ZNF518A: variants seen among roughly 807,000 people sequenced by gnomAD.
The protein encoded by ZNF518A is zinc finger protein 518A.
A neutral mutation model predicts 102.7 loss-of-function variants in ZNF518A; 47 were observed. The ratio of observed to expected loss-of-function variants is 0.46; its 90% CI spans 0.36 to 0.58. The LOEUF (loss-of-function observed/expected upper bound fraction) is 0.58, where lower values mean the gene tolerates loss of function less well. ZNF518A is among the 20% of genes least tolerant of loss of function. The probability of loss-of-function intolerance (pLI) is 0.00; values close to 1 mark genes in which losing one functional copy is unlikely to be tolerated. For missense variants in ZNF518A, 1,793 were observed against 1,699.8 expected (o/e 1.05, Z -0.96); for synonymous variants, 652 against 594.6 (o/e 1.10, Z -1.40).
rs1314720479 is a variant in ZNF518A, at chr10:96,158,059, G to C, written c.1737G>C (p.Trp579Cys). 1.2e-6 allele frequency: 2 copies of C among 1,613,478 alleles called. No individual in the cohort carries two copies. Among genetic ancestry groups the C allele is most frequent in the Non-Finnish European group, 1.7e-6 (2 of 1,179,762 alleles). ...KFETRDNVDF[W>C]GNHLTQSHPE... is the part of the protein sequence containing the mutation. ...AAACAAGAGATAATGTTGACTTCTG[G>C]GGAAATCATCTCACTCAGAGTCACC... is the stretch of plus-strand genomic sequence containing the variant. Residue 579 changes from tryptophan to cysteine, a missense_variant, in exon 6 of 6, where the codon TGG (tryptophan) becomes TGC (cysteine). By Grantham distance (215) the Trp-to-Cys change is radical. Around this residue, in one of 3 missense-constraint regions of ZNF518A, gnomAD observed 1,741 missense variants for 1,622.6 expected, o/e 1.07. Transcript: ENST00000316045.
chr10:96,159,495 C>G lies in ZNF518A; in HGVS notation c.3173C>G (p.Ser1058Cys). Residue 1058 changes from serine to cysteine, a missense_variant, in exon 6 of 6, where the codon TCT becomes TGT. This residue lies in a region of ZNF518A where 1,741 missense variants were observed against 1,622.6 expected (regional missense o/e 1.07). Coordinates refer to ENST00000316045, the MANE Select transcript of ZNF518A (RefSeq NM_001330736.2). ...KGPYILKPTS[S>C]VKAVLIPNML... ...CCTTACATTTTGAAACCAACGAGTT[C>G]TGTGAAAGCTGTTCTTATTCCTAAC... 1 of 1,613,850 alleles carries G rather than the reference C, an allele frequency of 6.2e-7. No individual in the cohort carries two copies.
At chr10:96,169,230 C>T (rs1282618306) in intron 1 of ZNF518A, among the ~76,000 whole-genome samples, 5 of 152,208 alleles carry the variant, frequency 3.3e-5, no homozygotes, top group African/African-American at 1.2e-4. Context: ...GTCTTGAACT[C>T]TTGGCCTCAA....
intron 1 of ZNF518A, among the ~76,000 whole-genome samples, chr10:96,199,078 T>G (rs1591296095): frequency 6.6e-6 from 1 of 152,148 alleles, no homozygotes; most frequent in East Asian, 1.9e-4. Context: ...ACAGGTACAC[T>G]TCATCAAAGG....
chr10:96,151,763 A>G (rs782548736), intron 3 of ZNF518A, among the ~76,000 whole-genome samples: 3 of 152,068 alleles, frequency 2.0e-5, no homozygotes, highest in African/African-American at 7.2e-5. Flanking sequence ...ACCTTGCCAT[A>G]TGTATATGGA....
chr10:96,140,825 C>T (rs2081884329), intron 3 of ZNF518A, among the ~76,000 whole-genome samples: 1 of 151,768 alleles, frequency 6.6e-6, no homozygotes, highest in African/African-American at 2.4e-5. Flanking sequence ...CCTATAGTCC[C>T]AGCTACTTGG....
rs2082772554 is a variant in ZNF518A, at chr10:96,157,851, C to A, written c.1529C>A (p.Ala510Glu). Residue 510 changes from alanine to glutamate, a missense_variant, in exon 6 of 6, where the codon GCA (alanine) becomes GAA (glutamate). Ala to Glu is a moderately radical substitution (Grantham distance 107). Around this residue, in one of 3 missense-constraint regions of ZNF518A, gnomAD observed 1,741 missense variants for 1,622.6 expected, o/e 1.07. Transcript: ENST00000316045. The part of the protein sequence containing the change: ...TELNDTVYMK[A>E]ATPFSCSSSI... Reference sequence around the variant, plus strand: ...TTAAATGACACAGTTTATATGAAAGCAGCTACTCCATTTTCATGTTCATCT... The same window carrying A: ...TTAAATGACACAGTTTATATGAAAGAAGCTACTCCATTTTCATGTTCATCT... 6.2e-7 allele frequency: 1 copy of A among 1,613,742 alleles called. No homozygotes were observed. Among genetic ancestry groups the A allele is most frequent in the Non-Finnish European group, 8.5e-7 (1 of 1,179,792 alleles).
intron 3 of ZNF518A, among the ~76,000 whole-genome samples, chr10:96,138,136 A>C (rs2081709981): frequency 6.6e-6 from 1 of 152,154 alleles, no homozygotes. Flanking sequence ...TCTTACTTGG[A>C]TAATTGTACT....
chr10:96,180,613 C>G (rs983183682), intron 1 of ZNF518A, among the ~76,000 whole-genome samples: 1 of 151,812 alleles, frequency 6.6e-6, no homozygotes, highest in Non-Finnish European at 1.5e-5. Flanking sequence ...TCTGTCCTTG[C>G]GATAGTTTGC....
chr10:96,141,918 C>T (rs1218437044), intron 3 of ZNF518A, among the ~76,000 whole-genome samples: 2 of 151,904 alleles, frequency 1.3e-5, no homozygotes, highest in East Asian at 1.9e-4. Context: ...TTTTAAAATA[C>T]TTTTGTAGAG....
At chr10:96,134,443 A>G (rs1554873642) in intron 3 of ZNF518A, among the ~76,000 whole-genome samples, 1 of 152,116 alleles carries the variant, frequency 6.6e-6, no homozygotes, top group Non-Finnish European at 1.5e-5. Context: ...CATGTTGGCC[A>G]GGCTGGTCTA....
intron 3 of ZNF518A, among the ~76,000 whole-genome samples, chr10:96,142,352 G>GTGTGTGTGTGTGTT (rs1554876887): frequency 3.9e-5 from 5 of 127,528 alleles, no homozygotes; most frequent in Non-Finnish European, 6.6e-5. Flanking sequence ...GTGTGTGTGT[G>GTGTGTGTGTGTGTT]TGTTTCTAGA....
rs182219018 is a variant in ZNF518A at position 96,147,367 on chromosome 10, T to C, written c.-301-7959T>C. On this transcript the variant is annotated intron_variant, in intron 3 of 5. Transcript: ENST00000316045. ...TGATCTGTGGTCCAACTGTTTGTTATCCTGGTATTTCCCTTTACTGTCATC... is the reference window on the plus strand; with the variant it reads ...TGATCTGTGGTCCAACTGTTTGTTACCCTGGTATTTCCCTTTACTGTCATC... 6.6e-5 allele frequency among the ~76,000 whole-genome samples: 10 copies of C among 152,346 alleles called. No individual in the cohort carries two copies. In the East Asian group the frequency reaches 1.7e-3, roughly 26 times the overall value.
Position 96,189,360 on chromosome 10 carries a change from C to G in ZNF518A, n.36-14214C>G, listed in dbSNP as rs1426643168. 8.9e-6 allele frequency: 5 copies of G among 563,554 alleles called. No homozygotes were observed. In the Admixed American group the frequency reaches 1.0e-4, roughly 12 times the overall value. 34.9% of individuals were successfully genotyped at this position (563,554 alleles called of 1,614,324 possible). A position where few individuals can be genotyped will look rare whatever the true frequency, so the allele number is the denominator to read the frequency against. On this transcript the variant is annotated intron_variant and non_coding_transcript_variant, in intron 1 of 2. Coordinates refer to the ZNF518A transcript ENST00000442635. Reference sequence around the variant, plus strand: ...GTTAACAAATTGTTTAAACTATTTTCTAAAGAGACTTCCTCCACTGCCAGG... The same window carrying G: ...GTTAACAAATTGTTTAAACTATTTTGTAAAGAGACTTCCTCCACTGCCAGG...
chr10:96,169,497 A>G (rs1444238590), intron 1 of ZNF518A, among the ~76,000 whole-genome samples: 1 of 152,174 alleles, frequency 6.6e-6, no homozygotes, highest in African/African-American at 2.4e-5. Context: ...TTTCAACTGT[A>G]GAATTTCAAT....
intron 3 of ZNF518A, among the ~76,000 whole-genome samples, chr10:96,137,658 G>C (rs2081672476): frequency 6.6e-6 from 1 of 152,162 alleles, no homozygotes; most frequent in Non-Finnish European, 1.5e-5. Context: ...CTCACTTGCT[G>C]GTTCTTTTTA....
intron 1 of ZNF518A, among the ~76,000 whole-genome samples, chr10:96,201,886 C>T (rs1303445520): frequency 1.3e-5 from 2 of 151,966 alleles, no homozygotes; most frequent in Non-Finnish European, 2.9e-5. Flanking sequence ...GCAATAAAGA[C>T]ATAAGTAAAA....
rs587748881 is a variant in ZNF518A, at chr10:96,197,638, A to G, written n.36-5936A>G. On this transcript the variant is annotated intron_variant and non_coding_transcript_variant, in intron 1 of 2. Transcript: ENST00000442635. ...CAAACAAATTCCATTCATAAGTACT[A>G]TAAGAAGAAAACAGAGGTTGGGAAT... 7.2e-5 allele frequency among the ~76,000 whole-genome samples: 11 copies of G among 152,332 alleles called. No homozygotes were observed. In the East Asian group the frequency reaches 1.7e-3, roughly 24 times the overall value.
chr10:96,176,606 A>G (rs1468412852), intron 1 of ZNF518A, among the ~76,000 whole-genome samples: 1 of 152,170 alleles, frequency 6.6e-6, no homozygotes, highest in Non-Finnish European at 1.5e-5. Context: ...TCTACAAAAA[A>G]ACAAAACAAG....
intron 1 of ZNF518A, among the ~76,000 whole-genome samples, chr10:96,170,443 G>C (rs782461045): frequency 6.6e-5 from 10 of 152,320 alleles, no homozygotes; most frequent in Non-Finnish European, 1.3e-4. Flanking sequence ...ATTGAAGACT[G>C]TTCTTCCTCT....
Sources: gnomAD v4.1 joint callset for allele counts (sites outside exome capture counted in the v4.1 genomes callset) on GRCh38, gnomAD v4.1.1 for gene constraint, gnomAD v4.1.1 regional missense constraint, MANE v1.5 for transcripts, NCBI Gene and HGNC (gene_info 2026-07-23, HGNC 2026-07-21) for gene names.